Variants in ATP11A observed in about 807,000 individuals in gnomAD.
ATP11A encodes ATPase phospholipid transporting 11A.
ATP11A carries 81 observed loss-of-function variants against 154.4 expected under a neutral mutation model. The ratio of observed to expected loss-of-function variants is 0.52; its 90% CI spans 0.44 to 0.63. The LOEUF (loss-of-function observed/expected upper bound fraction) is 0.63. Among genes scored for constraint, ATP11A ranks in the 30% least tolerant of loss-of-function variants. ATP11A has a pLI of 0.00. For missense variants in ATP11A, 1,316 were observed against 1,474.3 expected, an observed-to-expected ratio of 0.89 and a Z score of 1.76; for synonymous variants, 623 against 585.9, an observed-to-expected ratio of 1.06 and a Z score of -0.91.
At chr13:112,775,433 G>A (rs971073783) in intron 1 of ATP11A, among the ~76,000 whole-genome samples, 3 of 152,194 alleles carry the variant, frequency 2.0e-5, no homozygotes, top group Non-Finnish European at 2.9e-5. Context: ...CAGCTTCAGG[G>A]TGCTTTTGGC....
At chr13:112,728,410 G>C (rs550185412) in intron 1 of ATP11A, among the ~76,000 whole-genome samples, 2 of 150,520 alleles carry the variant, frequency 1.3e-5, no homozygotes, top group East Asian at 2.0e-4. Flanking sequence ...CCGGCTCCCT[G>C]TGTTACCTGT....
At chr13:112,790,135 T>C (rs928807658) in intron 2 of ATP11A, among the ~76,000 whole-genome samples, 1 of 140,150 alleles carries the variant, frequency 7.1e-6, no homozygotes, top group Non-Finnish European at 1.6e-5. Context: ...TAGATCCCTG[T>C]GGAGACCTAC....
intron 1 of ATP11A, among the ~76,000 whole-genome samples, chr13:112,762,308 G>A (rs1299265611): frequency 1.3e-5 from 2 of 152,092 alleles, no homozygotes; most frequent in Non-Finnish European, 2.9e-5. Flanking sequence ...CCTGATGCCC[G>A]ATGCTGAGAT....
chr13:112,808,760 C>T (rs17696299), intron 4 of ATP11A, among the ~76,000 whole-genome samples: 3,716 of 152,322 alleles, frequency 0.024, 59 homozygotes, highest in Non-Finnish European at 0.037. Context: ...GTACCTGGCT[C>T]TGCCGCCGCC....
At position 112,817,130 on chromosome 13, in the gene ATP11A, T is replaced by C. The variant is rs576740520; in HGVS notation, c.570+919T>C. ...AGATATAGCACCATTAATTTTAAGATTCTTCTTATTTAAAAAATCTTGAAG... is the reference window on the plus strand; with the variant it reads ...AGATATAGCACCATTAATTTTAAGACTCTTCTTATTTAAAAAATCTTGAAG... On this transcript the variant is annotated intron_variant, in intron 6 of 29. Transcript: ENST00000375645. 6.6e-5 allele frequency among the ~76,000 whole-genome samples: 10 copies of C among 152,232 alleles called. No individual in the cohort carries two copies. The South Asian group carries it at 2.1e-3, about 32-fold the overall frequency.
At chr13:112,773,403 C>T (rs910807586) in intron 1 of ATP11A, among the ~76,000 whole-genome samples, 1 of 152,242 alleles carries the variant, frequency 6.6e-6, no homozygotes, top group Non-Finnish European at 1.5e-5. Context: ...CGACCAAACC[C>T]ACCATGGCTT....
intron 1 of ATP11A, among the ~76,000 whole-genome samples, chr13:112,769,936 G>A (rs780603323): frequency 1.3e-5 from 2 of 152,212 alleles, no homozygotes; most frequent in East Asian, 1.9e-4. Context: ...GGTCAGAAAC[G>A]TACTCCTGTC....
chr13:112,873,610 A>T lies in ATP11A; in HGVS notation c.3095A>T (p.His1032Leu). Residue 1032 changes from histidine (H) to leucine (L), a missense_variant, in exon 27 of 30, where the codon CAT (histidine) becomes CTT (leucine). By Grantham distance (99) the His-to-Leu change is moderately conservative. Transcript: ENST00000375645. ...LDTHYWTWIN[H>L]FVIWGSLLFY... ...ACACACTACTGGACTTGGATCAACC[A>T]TTTTGTCATCTGGGGGTCGCTGCTG... 6.2e-7 allele frequency: 1 copy of T among 1,611,302 alleles called. No homozygotes were observed. The highest frequency in any genetic ancestry group is 1.1e-5 in the South Asian group (1 of 90,734).
chr13:112,723,148 A>G (rs1889388911), intron 1 of ATP11A, among the ~76,000 whole-genome samples: 1 of 151,802 alleles, frequency 6.6e-6, no homozygotes, highest in South Asian at 2.1e-4. Flanking sequence ...GGCCCTGTTT[A>G]TAATTTGGCA....
At chr13:112,881,460 C>T in intron 29 of ATP11A, 1 of 1,072,818 alleles carries the variant, frequency 9.3e-7, no homozygotes. Flanking sequence ...GGCGTTCGAG[C>T]TCACTGCACA....
chr13:112,701,304 A>G (rs914023748), intron 1 of ATP11A, among the ~76,000 whole-genome samples: 1 of 152,210 alleles, frequency 6.6e-6, no homozygotes, highest in East Asian at 1.9e-4. Context: ...AGGCACAGCT[A>G]CTAACTTCCA....
In ATP11A at chr13:112,746,813, C is replaced by T. The variant is rs1420735129; in HGVS notation, c.40-38322C>T. The T allele has an allele frequency of 6.6e-6, 1 of 151,986 alleles. No individual in the cohort carries two copies. The highest frequency in any genetic ancestry group is 1.5e-5 in the Non-Finnish European group (1 of 68,020). 9.4% of individuals were successfully genotyped at this position (151,986 alleles called of 1,614,324 possible). A position where few individuals can be genotyped will look rare whatever the true frequency, so the allele number is the denominator to read the frequency against. On this transcript the variant is annotated intron_variant, in intron 1 of 29. Coordinates refer to ENST00000375645, the MANE Select transcript of ATP11A (RefSeq NM_015205.3). The surrounding 1 kb of genome is among the most constrained non-coding windows in gnomAD (Gnocchi z 4.1). ...ACTCAAGTGATCCTCCTACGTTGACCTCCCTAAGTGCTGGGATTACAGCTG... is the reference window on the plus strand; with the variant it reads ...ACTCAAGTGATCCTCCTACGTTGACTTCCCTAAGTGCTGGGATTACAGCTG...
chr13:112,777,417 A>G (rs551918011), intron 1 of ATP11A, among the ~76,000 whole-genome samples: 17 of 152,276 alleles, frequency 1.1e-4, no homozygotes, highest in African/African-American at 3.6e-4. Context: ...TACAAAAATT[A>G]GCCAAGTGTG....
intron 25 of ATP11A, among the ~76,000 whole-genome samples, chr13:112,868,326 C>T (rs968800388): frequency 1.3e-5 from 2 of 152,186 alleles, no homozygotes; most frequent in South Asian, 2.1e-4. Flanking sequence ...TTATGCTGGC[C>T]GTGGATGTTT....
At chr13:112,880,303 C>G (rs1160201038) in intron 29 of ATP11A, 1 of 183,204 alleles carries the variant, frequency 5.5e-6, no homozygotes, top group Non-Finnish European at 1.1e-5. Context: ...TGGCCCGTCC[C>G]TGAGCCTGTC....
At chr13:112,802,867 C>A (rs553306386) in intron 2 of ATP11A, among the ~76,000 whole-genome samples, 5 of 152,158 alleles carry the variant, frequency 3.3e-5, no homozygotes, top group Non-Finnish European at 4.4e-5. Context: ...GCAAAACACA[C>A]ATCTGATAAA....
chr13:112,773,822 C>T (rs1012919879), intron 1 of ATP11A, among the ~76,000 whole-genome samples: 1 of 152,342 alleles, frequency 6.6e-6, no homozygotes, highest in Non-Finnish European at 1.5e-5. Context: ...ACGCGCATCA[C>T]GGGGTGTGGA....
At chr13:112,712,563 C>T (rs948524751) in intron 1 of ATP11A, among the ~76,000 whole-genome samples, 7 of 152,184 alleles carry the variant, frequency 4.6e-5, no homozygotes, top group Non-Finnish European at 7.3e-5. Context: ...GAAGGACAGG[C>T]TTTTCTCTCT....
chr13:112,723,254 ATGTCTTATTGG>A (rs935060874), intron 1 of ATP11A, among the ~76,000 whole-genome samples: 5 of 136,478 alleles, frequency 3.7e-5, no homozygotes, highest in African/African-American at 1.4e-4. Flanking sequence ...CACGCAGATG[ATGTCTTATTGG>A]TGTCTTATTG....
Sources: allele counts gnomAD v4.1 joint callset (sites outside exome capture counted in the v4.1 genomes callset), GRCh38; gene constraint gnomAD v4.1.1; non-coding constraint Gnocchi (gnomAD v3.1); transcripts MANE v1.5; gene names NCBI Gene and HGNC (gene_info 2026-07-23, HGNC 2026-07-21).